Variants in TAB3 observed in about 807,000 individuals in gnomAD.
The protein encoded by TAB3 is TGF-beta-activated kinase 1 and MAP3K7-binding protein 3.
A neutral mutation model predicts 48.1 loss-of-function variants in TAB3; 18 were observed. The observed-to-expected ratio is 0.37, with a 90% CI of 0.26 to 0.55. The LOEUF (loss-of-function observed/expected upper bound fraction) is 0.55, where lower values mean the gene tolerates loss of function less well. TAB3 is among the 20% of genes least tolerant of loss of function. The pLI, the probability that TAB3 is intolerant of heterozygous loss-of-function variation, is 0.78. For missense variants in TAB3, 414 were observed against 549.8 expected (o/e 0.75, Z 2.47); for synonymous variants, 185 against 190.2 (o/e 0.97, Z 0.22).
chrX:30,846,098 C>A, intron 8 of TAB3: 1 of 936,452 alleles, frequency 1.1e-6, no homozygotes, highest in Non-Finnish European at 1.4e-6. Flanking sequence ...AAAACTAAAA[C>A]TATGATTATA....
Position 30,859,448 on chromosome X carries a change from A to C in TAB3, c.102+39T>G, listed in dbSNP as rs1415180042. On this transcript the variant is annotated intron_variant, in intron 5 of 10. Coordinates refer to ENST00000288422, the MANE Select transcript of TAB3 (RefSeq NM_152787.5). The stretch of plus-strand genomic sequence containing the variant: ...CACATCACCAGCTCTAATAGGAAAA[A>C]CTAGAACTTAATATCACTATCACTG... The C allele has an allele frequency of 2.8e-6, 3 of 1,090,125 alleles. No individual in the cohort carries two copies. In the African/African-American group the frequency reaches 5.5e-5, roughly 20 times the overall value. 89.8% of individuals were successfully genotyped at this position (1,090,125 alleles called of 1,213,427 possible).
chrX:30,846,700 A>C, intron 7 of TAB3, 56 bp from the exon 8 acceptor site: 1 of 769,781 alleles, frequency 1.3e-6, no homozygotes, highest in Non-Finnish European at 1.9e-6. Flanking sequence ...CAAGCCCAAC[A>C]TTTAAGAACT....
chrX:30,853,075 A>G (rs1646477424), intron 6 of TAB3, 137 bp from the exon 7 acceptor site: 1 of 596,810 alleles, frequency 1.7e-6, no homozygotes, highest in African/African-American at 2.2e-5. Flanking sequence ...TTCTAATGCT[A>G]TGCTGCCTCC....
chrX:30,866,196 G>C (rs1939397377), intron 4 of TAB3, among the ~76,000 whole-genome samples: 1 of 111,397 alleles, frequency 9.0e-6, no homozygotes, highest in African/African-American at 3.3e-5. Flanking sequence ...AGAAACGATA[G>C]ATTCATATTT....
At chrX:30,833,939 T>C (rs1016910172) in intron 10 of TAB3, 112 bp downstream of exon 10, 1 of 632,911 alleles carries the variant, frequency 1.6e-6, no homozygotes, top group Admixed American at 3.1e-5. Context: ...CCTTAGAAAC[T>C]CGGTAATGTT....
chrX:30,869,859 G>A (rs1939614937), intron 2 of TAB3, among the ~76,000 whole-genome samples: 1 of 112,187 alleles, frequency 8.9e-6, no homozygotes, highest in African/African-American at 3.2e-5. Flanking sequence ...AAGGGGAAAA[G>A]AAAAAGAAAT....
chrX:30,854,747 A>G lies in TAB3; in HGVS notation c.918T>C (p.Ser306=), dbSNP rs1320354286. 8.3e-7 allele frequency: 1 copy of G among 1,211,644 alleles called. No homozygotes were observed. Among genetic ancestry groups the G allele is most frequent in the Admixed American group, 2.2e-5 (1 of 45,997 alleles). The part of the protein sequence containing the change: ...PPSQCPSPFS[S]PQHQVQPSQL... ...GGGAAGGTTGCACTTGATGCTGTGG[A>G]GAGCTGAAGGGTGAAGGACATTGAG... is the stretch of plus-strand genomic sequence containing the variant. Residue 306 remains serine (S), a synonymous_variant, in exon 6 of 11, where the codon TCT becomes TCC. Coordinates refer to ENST00000288422, the MANE Select transcript of TAB3 (RefSeq NM_152787.5).
chrX:30,847,605 G>C (rs1938672314), intron 7 of TAB3, among the ~76,000 whole-genome samples: 2 of 110,082 alleles, frequency 1.8e-5, no homozygotes, highest in South Asian at 7.5e-4. Flanking sequence ...TTAAATACTA[G>C]GGTGATTTTA....
chrX:30,881,396 T>C (rs1195808069), intron 1 of TAB3, among the ~76,000 whole-genome samples: 1 of 110,785 alleles, frequency 9.0e-6, no homozygotes, highest in East Asian at 2.8e-4. Context: ...TTTTTCAAAA[T>C]TGTTTAGGGA....
At chrX:30,848,776 C>T (rs1938723412) in intron 7 of TAB3, among the ~76,000 whole-genome samples, 1 of 111,578 alleles carries the variant, frequency 9.0e-6, no homozygotes, top group African/African-American at 3.3e-5. Context: ...TTGTAGCCAA[C>T]ATTTCAAAAT....
chrX:30,843,176 C>T, intron 8 of TAB3, 127 bp from the exon 9 acceptor site: 1 of 438,040 alleles, frequency 2.3e-6, no homozygotes, highest in Non-Finnish European at 3.9e-6. Flanking sequence ...TTTCAAAATT[C>T]ATTACATAAT....
chrX:30,860,893 G>A (rs955167211), intron 4 of TAB3, among the ~76,000 whole-genome samples: 1 of 111,237 alleles, frequency 9.0e-6, no homozygotes, highest in African/African-American at 3.3e-5. Flanking sequence ...CCTATTTTTC[G>A]GTATTAGACA....
rs1360014853 is a variant in TAB3 at position 30,829,749 on chromosome X, C to A, written c.*1678G>T. ...AGTGTGAAATGATTCTGATGGAAAACTATGATGAGTTATTACGCCTTTGGT... is the reference window on the plus strand; with the variant it reads ...AGTGTGAAATGATTCTGATGGAAAAATATGATGAGTTATTACGCCTTTGGT... On this transcript the variant is annotated 3_prime_UTR_variant, in exon 11 of 11. Transcript: ENST00000288422. The A allele has an allele frequency of 1.9e-5, 2 of 107,868 alleles. No homozygotes were observed. Among genetic ancestry groups the A allele is most frequent in the Admixed American group, 2.0e-4 (2 of 9,774 alleles). 8.9% of individuals were successfully genotyped at this position (107,868 alleles called of 1,213,427 possible).
intron 1 of TAB3, among the ~76,000 whole-genome samples, chrX:30,873,714 G>C (rs1939738074): frequency 9.0e-6 from 1 of 111,562 alleles, no homozygotes; most frequent in South Asian, 3.7e-4. Context: ...TTAATGAGTA[G>C]TAAATATATT....
At chrX:30,839,914 T>TTATATA (rs56260124) in intron 9 of TAB3, among the ~76,000 whole-genome samples, 28 of 82,216 alleles carry the variant, frequency 3.4e-4, no homozygotes, top group South Asian at 2.0e-3. Flanking sequence ...CATATATATA[T>TTATATA]TATATATATA....
intron 5 of TAB3, among the ~76,000 whole-genome samples, chrX:30,858,378 G>A (rs1453826152): frequency 8.9e-6 from 1 of 111,749 alleles, no homozygotes; most frequent in Non-Finnish European, 1.9e-5. Context: ...CCAAAGTAAA[G>A]AGCTGAGATT....
chrX:30,886,709 C>T (rs7057279), intron 1 of TAB3, among the ~76,000 whole-genome samples: 5 of 112,065 alleles, frequency 4.5e-5, no homozygotes, highest in African/African-American at 1.6e-4. Flanking sequence ...GACTAAGTGA[C>T]TTGGTGGAGG....
intron 1 of TAB3, among the ~76,000 whole-genome samples, chrX:30,878,886 A>G (rs888974928): frequency 1.8e-5 from 2 of 112,219 alleles, no homozygotes; most frequent in African/African-American, 6.5e-5. Context: ...TTACAGTGGG[A>G]ATTTTAAAAT....
chrX:30,883,866 A>C (rs1245309413), intron 1 of TAB3, among the ~76,000 whole-genome samples: 1 of 111,721 alleles, frequency 9.0e-6, no homozygotes, highest in Non-Finnish European at 1.9e-5. Context: ...CTGCTTAAAA[A>C]AAAGTCTTAC....
Sources: allele counts gnomAD v4.1 joint callset (sites outside exome capture counted in the v4.1 genomes callset), GRCh38; gene constraint gnomAD v4.1.1; transcripts MANE v1.5; gene names NCBI Gene and HGNC (gene_info 2026-07-23, HGNC 2026-07-21).